Variants in LINGO2 observed in about 807,000 individuals in gnomAD.
LINGO2 encodes the protein leucine rich repeat and Ig domain containing 2.
Under a neutral mutation model 30.6 loss-of-function variants are expected in LINGO2, and 14 were observed. The ratio of observed to expected loss-of-function variants is 0.46; its 90% CI spans 0.30 to 0.72. The LOEUF (loss-of-function observed/expected upper bound fraction) is 0.72. Ranked by LOEUF, LINGO2 falls within the 30% of genes least tolerant of loss-of-function variation. The probability of loss-of-function intolerance (pLI) is 0.07; values close to 1 mark genes in which losing one functional copy is unlikely to be tolerated. For synonymous variants in LINGO2, 317 were observed against 288.5 expected (o/e 1.10, Z -1.00); for missense variants, 729 against 751.7 (o/e 0.97, Z 0.35).
the LINGO2 span, among the ~76,000 whole-genome samples, chr9:29,030,117 TATTGA>T: frequency 6.6e-6 from 1 of 152,166 alleles, no homozygotes; most frequent in African/African-American, 2.4e-5. Flanking sequence ...AATTCTTATG[TATTGA>T]ATTGAGTCCT....
chr9:28,844,286 T>C, the LINGO2 span, among the ~76,000 whole-genome samples: 5 of 151,686 alleles, frequency 3.3e-5, no homozygotes, highest in African/African-American at 1.2e-4. Context: ...CGCTTGAACC[T>C]GGGAGGTGGA....
At chr9:28,353,491 A>T (rs921466826) in intron 3 of LINGO2, among the ~76,000 whole-genome samples, 1 of 152,082 alleles carries the variant, frequency 6.6e-6, no homozygotes, top group South Asian at 2.1e-4. Flanking sequence ...TTCATTAAAA[A>T]GTCAGGAAAC....
intron 4 of LINGO2, among the ~76,000 whole-genome samples, chr9:28,211,210 G>A (rs1168311575): frequency 6.6e-6 from 1 of 151,124 alleles, no homozygotes; most frequent in South Asian, 2.1e-4. Context: ...AATTACCGTA[G>A]CCCATCAGGG....
At chr9:29,121,696 G>A in the LINGO2 span, among the ~76,000 whole-genome samples, 3 of 151,900 alleles carry the variant, frequency 2.0e-5, no homozygotes, top group Non-Finnish European at 4.4e-5. Context: ...ACAACAAAAG[G>A]AAACCCACAT....
At position 28,192,316 on chromosome 9, in the gene LINGO2, A is replaced by G. The variant is rs138388685; in HGVS notation, c.-87+102892T>C. Among the ~76,000 whole-genome samples the G allele has an allele frequency of 3.6e-3, 547 of 152,084 alleles. 3 individuals are homozygous for G. The highest frequency in any genetic ancestry group is 0.013 in the African/African-American group (519 of 41,508). On this transcript the variant is annotated intron_variant, in intron 4 of 5. Transcript: ENST00000379992. ...AGTAAATATTTTAGTGGCTTTTCAT[A>G]TTTTTCAACTGCATAAAATAGGAAC...
chr9:28,282,384 C>T (rs1823358553), intron 4 of LINGO2, among the ~76,000 whole-genome samples: 1 of 150,586 alleles, frequency 6.6e-6, no homozygotes, highest in Non-Finnish European at 1.5e-5. Flanking sequence ...TGAGATCAAA[C>T]TGTAGTTTAC....
Position 28,048,844 on chromosome 9 carries a change from C to CTATA in LINGO2, c.-86-36443_-86-36440dup, listed in dbSNP as rs34965220. Among the ~76,000 whole-genome samples, 19 of 150,268 alleles carry CTATA rather than the reference C, an allele frequency of 1.3e-4. 2 individuals carry two copies. Among genetic ancestry groups the CTATA allele is most frequent in the African/African-American group, 4.4e-4 (18 of 40,650 alleles). On this transcript the variant is annotated intron_variant, in intron 4 of 5. Transcript: ENST00000379992. ...TGAAAATAGCAACATATATATGTAA[C>CTATA]TATATATATATGTAGTTTGTGTTTG... is the stretch of plus-strand genomic sequence containing the variant.
At chr9:28,845,383 G>T in the LINGO2 span, among the ~76,000 whole-genome samples, 2 of 151,844 alleles carry the variant, frequency 1.3e-5, no homozygotes, top group South Asian at 4.1e-4. Context: ...GATTGAAGCA[G>T]GAATAAAATA....
In LINGO2 at chr9:28,502,016, GA is replaced by G. The variant is rs542515946; in HGVS notation, c.-364-25992del. ...AGAGAAAGAGAAAAAGAAAAGAAAG[GA>G]AGGAAGAAAGGGAGGAGGAAGTAAT... On this transcript the variant is annotated intron_variant, in intron 1 of 5. Coordinates refer to ENST00000379992, the Ensembl canonical transcript of LINGO2. Among the ~76,000 whole-genome samples, 168 of 151,898 alleles carry G rather than the reference GA, an allele frequency of 1.1e-3. 1 individual carries two copies. The highest frequency in any genetic ancestry group is 1.5e-3 in the Non-Finnish European group (104 of 67,920).
the LINGO2 span, among the ~76,000 whole-genome samples, chr9:28,889,252 A>G: frequency 6.6e-6 from 1 of 152,116 alleles, no homozygotes; most frequent in Non-Finnish European, 1.5e-5. Flanking sequence ...TTCACTTTCA[A>G]TAATGCCTGA....
chr9:27,960,910 CTA>C (rs1819812111), intron 5 of LINGO2, among the ~76,000 whole-genome samples: 1 of 151,904 alleles, frequency 6.6e-6, no homozygotes, highest in African/African-American at 2.4e-5. Flanking sequence ...GACTTTTAAA[CTA>C]TGTTTTATTA....
chr9:29,034,655 G>A, the LINGO2 span, among the ~76,000 whole-genome samples: 1 of 152,090 alleles, frequency 6.6e-6, no homozygotes, highest in Non-Finnish European at 1.5e-5. Context: ...GCATTTATCA[G>A]TGTCTATTTT....
At chr9:28,505,037 T>G (rs1232955767) in intron 1 of LINGO2, among the ~76,000 whole-genome samples, 1 of 151,992 alleles carries the variant, frequency 6.6e-6, no homozygotes, top group South Asian at 2.1e-4. Flanking sequence ...TGACTTGGTG[T>G]AAGCCAATTT....
the LINGO2 span, among the ~76,000 whole-genome samples, chr9:28,734,803 C>G: frequency 5.3e-5 from 8 of 152,270 alleles, no homozygotes; most frequent in African/African-American, 1.7e-4. Flanking sequence ...AAGTCCCACT[C>G]GGCATCTCCA....
the LINGO2 span, among the ~76,000 whole-genome samples, chr9:28,833,029 G>GT: frequency 6.6e-6 from 1 of 151,996 alleles, no homozygotes; most frequent in African/African-American, 2.4e-5. Flanking sequence ...AGTGTGAACA[G>GT]TTTTTTCACA....
the LINGO2 span, among the ~76,000 whole-genome samples, chr9:28,678,303 T>A: frequency 3.9e-5 from 6 of 152,140 alleles, no homozygotes; most frequent in Admixed American, 2.6e-4. Flanking sequence ...AGCCCTTACA[T>A]GGGCTGTTGG....
intron 4 of LINGO2, among the ~76,000 whole-genome samples, chr9:28,021,137 G>A (rs1022325317): frequency 2.2e-4 from 33 of 150,942 alleles, no homozygotes; most frequent in Non-Finnish European, 4.9e-4. Flanking sequence ...TTATTTAGAT[G>A]TTTTTTTCTA....
intron 3 of LINGO2, among the ~76,000 whole-genome samples, chr9:28,341,547 A>T (rs1179450248): frequency 6.6e-6 from 1 of 152,140 alleles, no homozygotes; most frequent in Non-Finnish European, 1.5e-5. Context: ...ACATGGGAAA[A>T]AATATGGCAT....
chr9:27,998,124 T>C (rs951482659), intron 5 of LINGO2, among the ~76,000 whole-genome samples: 41 of 152,110 alleles, frequency 2.7e-4, no homozygotes, highest in African/African-American at 9.2e-4. Context: ...AAAGGTAAGG[T>C]CTGTTTCTCT....
Sources: gnomAD v4.1 joint callset for allele counts (sites outside exome capture counted in the v4.1 genomes callset) on GRCh38, gnomAD v4.1.1 for gene constraint, MANE v1.5 for transcripts, NCBI Gene and HGNC (gene_info 2026-07-23, HGNC 2026-07-21) for gene names.